Variants in COL6A5 observed in about 807,000 individuals in gnomAD.
COL6A5 encodes collagen type VI alpha 5 chain.
In COL6A5, 48 loss-of-function variants were observed where a neutral mutation model predicts 65.6. The ratio of observed to expected loss-of-function variants is 0.73; its 90% CI spans 0.58 to 0.93. The LOEUF (loss-of-function observed/expected upper bound fraction) is 0.93, where lower values mean the gene tolerates loss of function less well. Ranked by LOEUF, COL6A5 falls within the 40% of genes least tolerant of loss-of-function variation. The pLI, the probability that COL6A5 is intolerant of heterozygous loss-of-function variation, is 0.00. For missense variants in COL6A5, 914 were observed against 928.3 expected, an observed-to-expected ratio of 0.98 and a Z score of 0.20; for synonymous variants, 291 against 322.8, an observed-to-expected ratio of 0.90 and a Z score of 1.05.
chr3:130,381,917 C>T (rs1461136297), intron 4 of COL6A5, among the ~76,000 whole-genome samples: 1 of 151,974 alleles, frequency 6.6e-6, no homozygotes, highest in Non-Finnish European at 1.5e-5. Context: ...GATATGGGAC[C>T]AAAGCTAGGG....
chr3:130,462,648 T>C (rs950428347), intron 5 of COL6A5, among the ~76,000 whole-genome samples: 2 of 152,150 alleles, frequency 1.3e-5, no homozygotes, highest in African/African-American at 4.8e-5. Context: ...AGTTAACAGA[T>C]GACAGAGGCA....
In COL6A5 at chr3:130,351,619, G is replaced by A. The variant is rs142854128; in HGVS notation, c.-29+5638G>A. ...AAACCACAATGAGATACCATCTCAC[G>A]CCAGTTAGAATGGTGATCATTAAAA... On this transcript the variant is annotated intron_variant and NMD_transcript_variant, in intron 1 of 41. Transcript: ENST00000312481. Among the ~76,000 whole-genome samples, 912 of 152,236 alleles carry A rather than the reference G, an allele frequency of 6.0e-3. 9 individuals are homozygous for A. Among genetic ancestry groups the A allele is most frequent in the African/African-American group, 0.021 (873 of 41,548 alleles).
intron 25 of COL6A5, among the ~76,000 whole-genome samples, chr3:130,419,881 A>G (rs1937474958): frequency 6.6e-6 from 1 of 152,132 alleles, no homozygotes. Flanking sequence ...GTATATTTGA[A>G]AATTGCAACA....
intron 1 of COL6A5, among the ~76,000 whole-genome samples, chr3:130,349,030 A>G (rs988176504): frequency 8.6e-5 from 13 of 152,028 alleles, no homozygotes; most frequent in African/African-American, 2.9e-4. Context: ...CATGTTGCAG[A>G]TTTCTAATTG....
chr3:130,434,932 T>C (rs1444510851), intron 1 of COL6A5, among the ~76,000 whole-genome samples: 1 of 152,242 alleles, frequency 6.6e-6, no homozygotes, highest in African/African-American at 2.4e-5. Flanking sequence ...GTGCAGATGC[T>C]GTTTAGTTTA....
At chr3:130,392,904 G>A (rs948337669) in intron 7 of COL6A5, among the ~76,000 whole-genome samples, 1 of 152,040 alleles carries the variant, frequency 6.6e-6, no homozygotes. Flanking sequence ...TTTTCCCAAG[G>A]CAGCAGGACC....
At chr3:130,422,586 AT>A (rs1937536722) in intron 27 of COL6A5, 133 bp from the exon 28 acceptor site, 1 of 569,290 alleles carries the variant, frequency 1.8e-6, no homozygotes, top group Admixed American at 3.5e-5. Flanking sequence ...AAAAGATGAC[AT>A]TTAATGTTGT....
chr3:130,352,083 C>T (rs913123308), intron 1 of COL6A5, among the ~76,000 whole-genome samples: 1 of 152,166 alleles, frequency 6.6e-6, no homozygotes, highest in Admixed American at 6.5e-5. Context: ...CGCACGTTCT[C>T]ACTCATAGGT....
At chr3:130,480,890 A>G (rs916279774) in intron 7 of COL6A5, among the ~76,000 whole-genome samples, 7 of 152,096 alleles carry the variant, frequency 4.6e-5, no homozygotes, top group African/African-American at 1.7e-4. Flanking sequence ...GAAGGAAGCA[A>G]GACAAGGAAG....
chr3:130,422,825 C>A (rs1375426768), intron 28 of COL6A5, 43 bp downstream of exon 28: 3 of 1,227,348 alleles, frequency 2.4e-6, no homozygotes, highest in South Asian at 1.5e-5. Context: ...ATTCCTTTGG[C>A]AGACTTTGGC....
At chr3:130,401,809 A>C in exon 12 of COL6A5, 1 of 1,551,558 alleles carries the variant, frequency 6.4e-7, no homozygotes, top group East Asian at 2.4e-5. Context: ...GCAAATGTCC[A>C]GGAATTCCAG....
rs1049633092 is a variant in COL6A5, at chr3:130,415,818, A to G, written c.4824+111A>G. Reference sequence around the variant, plus strand: ...GTATTATTTACATATATATTATTTCATTTTTGGATTATCTGGGGCAAAATT... The same window carrying G: ...GTATTATTTACATATATATTATTTCGTTTTTGGATTATCTGGGGCAAAATT... On this transcript the variant is annotated intron_variant and NMD_transcript_variant, in intron 23 of 41. Coordinates refer to the COL6A5 transcript ENST00000312481. 7.6e-6 allele frequency: 7 copies of G among 920,990 alleles called. No individual in the cohort carries two copies. In the African/African-American group the frequency reaches 1.2e-4, roughly 15 times the overall value. The allele number at this position is 920,990 out of a possible 1,614,324, so 57.1% of individuals were successfully genotyped here.
intron 7 of COL6A5, among the ~76,000 whole-genome samples, chr3:130,393,074 TTTTGTG>T: frequency 1.3e-5 from 1 of 79,708 alleles, no homozygotes; most frequent in South Asian, 4.8e-4. Flanking sequence ...AGTGTTTTTT[TTTTGTG>T]TGTGTGTGTG....
intron 17 of COL6A5, among the ~76,000 whole-genome samples, chr3:130,407,379 ATT>A (rs1937028984): frequency 6.6e-6 from 1 of 152,182 alleles, no homozygotes; most frequent in Non-Finnish European, 1.5e-5. Context: ...CCTTTGAAAG[ATT>A]TTAAGCAGAA....
intron 1 of COL6A5, among the ~76,000 whole-genome samples, chr3:130,358,424 A>G (rs1184537214): frequency 6.6e-6 from 1 of 152,208 alleles, no homozygotes. Flanking sequence ...TAGTAACATG[A>G]GTAAGAGAAA....
At chr3:130,350,167 A>G (rs1403956324) in intron 1 of COL6A5, among the ~76,000 whole-genome samples, 2 of 152,156 alleles carry the variant, frequency 1.3e-5, no homozygotes, top group Non-Finnish European at 2.9e-5. Context: ...ATATAGAAGG[A>G]GAGAATTGGG....
At chr3:130,358,543 A>G (rs1019640089) in intron 1 of COL6A5, among the ~76,000 whole-genome samples, 1 of 152,196 alleles carries the variant, frequency 6.6e-6, no homozygotes, top group African/African-American at 2.4e-5. Context: ...CACAGGCAAA[A>G]TGGTCAAAAA....
intron 5 of COL6A5, among the ~76,000 whole-genome samples, chr3:130,459,887 T>C (rs1432515138): frequency 6.6e-6 from 1 of 152,100 alleles, no homozygotes; most frequent in African/African-American, 2.4e-5. Flanking sequence ...TAATTGCATA[T>C]CCTGCTTTTC....
At chr3:130,407,880 G>A (rs952026371) in intron 17 of COL6A5, among the ~76,000 whole-genome samples, 1 of 152,194 alleles carries the variant, frequency 6.6e-6, no homozygotes, top group African/African-American at 2.4e-5. Flanking sequence ...CACAGCAGAA[G>A]AACATAAACT....
Sources: gnomAD v4.1 joint callset for allele counts (sites outside exome capture counted in the v4.1 genomes callset) on GRCh38, gnomAD v4.1.1 for gene constraint, MANE v1.5 for transcripts, NCBI Gene and HGNC (gene_info 2026-07-23, HGNC 2026-07-21) for gene names.